TFEC: variants seen among roughly 807,000 people sequenced by gnomAD.
The protein encoded by TFEC is class E basic helix-loop-helix protein 34.
In TFEC, 31 loss-of-function variants were observed where a neutral mutation model predicts 41.6. The observed-to-expected ratio is 0.74, with a 90% CI of 0.56 to 1.01. The LOEUF is 1.01. TFEC is among the 50% of genes least tolerant of loss of function. The pLI, the probability that TFEC is intolerant of heterozygous loss-of-function variation, is 0.00. For missense variants in TFEC, 402 were observed against 404.1 expected, an observed-to-expected ratio of 0.99 and a Z score of 0.04; for synonymous variants, 143 against 140.6, an observed-to-expected ratio of 1.02 and a Z score of -0.12.
chr7:116,063,922 T>C (rs1796631756), intron 3 of TFEC, among the ~76,000 whole-genome samples: 1 of 152,180 alleles, frequency 6.6e-6, no homozygotes, highest in South Asian at 2.1e-4. Context: ...CAGATATTTC[T>C]TCGACTTAAT....
At chr7:116,022,960 A>G (rs888685303) in intron 1 of TFEC, among the ~76,000 whole-genome samples, 2 of 152,196 alleles carry the variant, frequency 1.3e-5, no homozygotes, top group African/African-American at 4.8e-5. Context: ...TCTGTGATCA[A>G]ACAGCTGATT....
upstream of TFEC, among the ~76,000 whole-genome samples, chr7:116,032,647 C>T (rs1456614193): frequency 1.3e-5 from 2 of 151,948 alleles, no homozygotes; most frequent in Non-Finnish European, 2.9e-5. Context: ...CACAAGGACA[C>T]ATAGAGGGGA....
chr7:116,147,631 A>G (rs868369018), intron 1 of TFEC, among the ~76,000 whole-genome samples: 5 of 136,586 alleles, frequency 3.7e-5, no homozygotes, highest in African/African-American at 1.4e-4. Flanking sequence ...TTCAATTCCC[A>G]CCTATGAGTG....
rs1451670354 is a variant in TFEC, at chr7:116,098,794, A to T, written c.198+11914T>A. ...ACTTCCCAACTTATGTTATGAGATC[A>T]GCATCACCTTGATACCAAAACCAGA... On this transcript the variant is annotated intron_variant, in intron 3 of 8. Coordinates refer to the TFEC transcript ENST00000484212. Among the ~76,000 whole-genome samples, 3 of 151,994 alleles carry T rather than the reference A, an allele frequency of 2.0e-5. No individual in the cohort carries two copies. The East Asian group carries it at 5.8e-4, about 29-fold the overall frequency.
intron 1 of TFEC, among the ~76,000 whole-genome samples, chr7:116,028,829 C>G (rs1795681993): frequency 6.6e-6 from 1 of 152,128 alleles, no homozygotes; most frequent in South Asian, 2.1e-4. Context: ...TATCTAAAAC[C>G]ATTGTGTAAG....
chr7:115,985,129 T>C (rs1793794236), intron 1 of TFEC, among the ~76,000 whole-genome samples: 1 of 152,118 alleles, frequency 6.6e-6, no homozygotes, highest in Admixed American at 6.6e-5. Context: ...TTTCACCTTA[T>C]AAAAATGAGA....
intron 1 of TFEC, among the ~76,000 whole-genome samples, chr7:116,141,894 T>C (rs770860587): frequency 1.3e-4 from 20 of 152,346 alleles, no homozygotes; most frequent in Middle Eastern, 3.4e-3. Flanking sequence ...AATTGATAAA[T>C]AGTCGCTCAT....
At chr7:115,951,230 T>G (rs189651700) in intron 5 of TFEC, among the ~76,000 whole-genome samples, 1 of 152,222 alleles carries the variant, frequency 6.6e-6, no homozygotes, top group Non-Finnish European at 1.5e-5. Context: ...ATGAAATGTG[T>G]ATAAGTATAT....
intron 3 of TFEC, among the ~76,000 whole-genome samples, chr7:116,083,883 C>T (rs1176150157): frequency 6.6e-6 from 1 of 151,926 alleles, no homozygotes; most frequent in Non-Finnish European, 1.5e-5. Flanking sequence ...ATGTTGTACT[C>T]TTACAGCTAA....
intron 1 of TFEC, among the ~76,000 whole-genome samples, chr7:116,026,297 G>C (rs1262248654): frequency 6.6e-6 from 1 of 152,188 alleles, no homozygotes; most frequent in African/African-American, 2.4e-5. Flanking sequence ...CTAAAGAATA[G>C]CTAATTCATT....
At chr7:116,157,526 T>C (rs1052289318) in intron 1 of TFEC, among the ~76,000 whole-genome samples, 1 of 152,206 alleles carries the variant, frequency 6.6e-6, no homozygotes, top group Non-Finnish European at 1.5e-5. Context: ...TAGTATATGG[T>C]GACTGAAAGT....
At chr7:116,081,109 C>T (rs1199135408) in intron 3 of TFEC, among the ~76,000 whole-genome samples, 1 of 151,318 alleles carries the variant, frequency 6.6e-6, no homozygotes, top group African/African-American at 2.4e-5. Flanking sequence ...AAGTGAAGTA[C>T]CTCCGGAATA....
chr7:116,108,876 T>A (rs921344084), intron 3 of TFEC, among the ~76,000 whole-genome samples: 1 of 152,126 alleles, frequency 6.6e-6, no homozygotes, highest in African/African-American at 2.4e-5. Context: ...AAGCAATGCT[T>A]TATAAAGCCC....
chr7:115,947,647 G>C (rs1045426000), intron 6 of TFEC, among the ~76,000 whole-genome samples: 10 of 151,344 alleles, frequency 6.6e-5, no homozygotes, highest in African/African-American at 2.4e-4. Flanking sequence ...TTGTGGTTTT[G>C]ATTTGCATTT....
chr7:116,041,393 A>C (rs1167462104), intron 3 of TFEC, among the ~76,000 whole-genome samples: 2 of 152,180 alleles, frequency 1.3e-5, no homozygotes, highest in African/African-American at 4.8e-5. Flanking sequence ...GATTCAAGTA[A>C]TTTTGGGCAT....
chr7:116,080,976 AGTGT>A (rs60317630), intron 3 of TFEC, among the ~76,000 whole-genome samples: 9,633 of 137,872 alleles, frequency 0.07, 347 homozygotes, highest in Middle Eastern at 0.091. Context: ...AAGAAAATGT[AGTGT>A]GTGTGTGTGT....
At chr7:116,060,406 C>T (rs187955157) in intron 3 of TFEC, among the ~76,000 whole-genome samples, 18 of 152,136 alleles carry the variant, frequency 1.2e-4, no homozygotes, top group Admixed American at 7.2e-4. Flanking sequence ...TAAAGACCCA[C>T]GTATGCAAAT....
At chr7:115,994,176 C>T (rs951695559) in intron 1 of TFEC, among the ~76,000 whole-genome samples, 5 of 152,092 alleles carry the variant, frequency 3.3e-5, no homozygotes, top group African/African-American at 1.2e-4. Context: ...AAACTGGATC[C>T]CTTCCTTACA....
intron 1 of TFEC, among the ~76,000 whole-genome samples, chr7:116,115,175 G>A (rs1188980387): frequency 6.6e-6 from 1 of 151,978 alleles, no homozygotes; most frequent in African/African-American, 2.4e-5. Context: ...ACTCATCACA[G>A]AAGTAATTCA....
Sources: gnomAD v4.1 joint callset for allele counts (sites outside exome capture counted in the v4.1 genomes callset) on GRCh38, gnomAD v4.1.1 for gene constraint, MANE v1.5 for transcripts, NCBI Gene and HGNC (gene_info 2026-07-23, HGNC 2026-07-21) for gene names.